Variants in CLGN observed in about 807,000 individuals in gnomAD.
CLGN encodes testis tissue sperm-binding protein Li 79P.
CLGN carries 62 observed loss-of-function variants against 79.1 expected under a neutral mutation model. The ratio of observed to expected loss-of-function variants is 0.78; its 90% CI spans 0.64 to 0.97. The LOEUF (loss-of-function observed/expected upper bound fraction) is 0.97, where lower values mean the gene tolerates loss of function less well. Among genes scored for constraint, CLGN ranks in the 50% least tolerant of loss-of-function variants. The pLI, the probability that CLGN is intolerant of heterozygous loss-of-function variation, is 0.00. For synonymous variants in CLGN, 225 were observed against 224.7 expected, an observed-to-expected ratio of 1.00 and a Z score of -0.01; for missense variants, 647 against 715.5, an observed-to-expected ratio of 0.90 and a Z score of 1.09.
intron 1 of CLGN, among the ~76,000 whole-genome samples, chr4:140,414,576 G>A (rs1327854411): frequency 2.7e-5 from 4 of 147,746 alleles, no homozygotes; most frequent in African/African-American, 7.6e-5. Context: ...GAGCCGATGC[G>A]ATCAACTGGA....
chr4:140,402,692 A>G (rs912084223), intron 5 of CLGN, among the ~76,000 whole-genome samples: 2 of 145,880 alleles, frequency 1.4e-5, no homozygotes, highest in African/African-American at 5.1e-5. Context: ...TGAATTTACA[A>G]CACAGTGTAA....
chr4:140,389,311 A>G lies in CLGN; in HGVS notation c.1753-7T>C. 1.2e-6 allele frequency: 2 copies of G among 1,609,324 alleles called. No individual in the cohort carries two copies. Among genetic ancestry groups the G allele is most frequent in the Non-Finnish European group, 1.7e-6 (2 of 1,176,532 alleles). ...TCTCATCTGCTTCTTTCATCTAGAA[A>G]AAATAATTATGAAAAGGTTTCTTTT... On this transcript the variant is annotated splice_polypyrimidine_tract_variant and splice_region_variant and intron_variant, in intron 14 of 14. Transcript: ENST00000325617.
At chr4:140,392,833 T>A in intron 11 of CLGN, 122 bp from the exon 12 acceptor site, 1 of 860,978 alleles carries the variant, frequency 1.2e-6, no homozygotes, top group Non-Finnish European at 1.6e-6. Context: ...AACTCGTAAG[T>A]AAAAGAAGTT....
chr4:140,408,129 T>C (rs924165033), intron 4 of CLGN, among the ~76,000 whole-genome samples: 21 of 151,950 alleles, frequency 1.4e-4, no homozygotes, highest in African/African-American at 5.1e-4. Context: ...AAGCCACATA[T>C]AGAAGAATGA....
In CLGN at chr4:140,400,569, T is replaced by C. The variant is rs1560741490; in HGVS notation, c.502-20A>G. ...GTTTTCCTTCAAAGAGAGATGAGTG[T>C]TGGCATTAGTCCAGAATCACAGACT... On this transcript the variant is annotated intron_variant, in intron 6 of 14. Coordinates refer to ENST00000325617, the MANE Select transcript of CLGN (RefSeq NM_004362.3). 1 of 1,493,840 alleles carries C rather than the reference T, an allele frequency of 6.7e-7. No homozygotes were observed. Among genetic ancestry groups the C allele is most frequent in the Non-Finnish European group, 9.2e-7 (1 of 1,086,794 alleles). The allele number at this position is 1,493,840 out of a possible 1,614,324, so 92.5% of individuals were successfully genotyped here.
In CLGN at chr4:140,412,966, A is replaced by C; in HGVS notation, c.113T>G (p.Ile38Ser). Residue 38 changes from isoleucine to serine, a missense_variant, in exon 2 of 15, where the codon ATT (isoleucine) becomes AGT (serine). By Grantham distance (142) the Ile-to-Ser change is moderately radical. Coordinates refer to ENST00000325617, the MANE Select transcript of CLGN (RefSeq NM_004362.3). ...TEDFEENSEE[I>S]DVNESELSSE... is the part of the protein sequence containing the mutation. ...GGAAAGTTCACTTTCATTAACATCA[A>C]TTTCTTCTGAATTTTCTTCAAAGTC... 6.2e-7 allele frequency: 1 copy of C among 1,613,426 alleles called. No individual in the cohort carries two copies.
intron 1 of CLGN, among the ~76,000 whole-genome samples, chr4:140,416,880 A>G (rs1459920743): frequency 4.0e-5 from 6 of 150,878 alleles, no homozygotes; most frequent in African/African-American, 1.5e-4. Context: ...TACCAAAGCC[A>G]GGCAGAGACA....
intron 14 of CLGN, among the ~76,000 whole-genome samples, chr4:140,390,253 A>G (rs1416168037): frequency 6.6e-6 from 1 of 151,790 alleles, no homozygotes; most frequent in Non-Finnish European, 1.5e-5. Flanking sequence ...AAATGTTGAG[A>G]CAATAAAGAT....
chr4:140,409,296 T>C lies in CLGN; in HGVS notation c.277+541A>G, dbSNP rs546664698. ...TGGTCATACTCTAGGGTAGTCCTATTAGGGAAGACAATATGACCCCTGCCT... is the reference window on the plus strand; with the variant it reads ...TGGTCATACTCTAGGGTAGTCCTATCAGGGAAGACAATATGACCCCTGCCT... On this transcript the variant is annotated intron_variant, in intron 4 of 14. Transcript: ENST00000325617. Among the ~76,000 whole-genome samples the C allele has an allele frequency of 2.0e-5, 3 of 152,112 alleles. No homozygotes were observed. In the South Asian group the frequency reaches 6.2e-4, roughly 32 times the overall value.
At chr4:140,390,588 G>C in intron 14 of CLGN, 40 bp downstream of exon 14, 1 of 1,369,402 alleles carries the variant, frequency 7.3e-7, no homozygotes, top group South Asian at 1.6e-5. Flanking sequence ...ACTTTTTATG[G>C]ATAACAACTA....
chr4:140,413,263 C>G (rs577712329), intron 1 of CLGN, among the ~76,000 whole-genome samples, 176 bp from the exon 2 acceptor site: 2 of 152,320 alleles, frequency 1.3e-5, no homozygotes, highest in South Asian at 4.1e-4. Flanking sequence ...ATACAAACTT[C>G]AAATCTTGTA....
intron 8 of CLGN, among the ~76,000 whole-genome samples, chr4:140,397,659 A>T (rs1372991372): frequency 6.6e-6 from 1 of 152,062 alleles, no homozygotes; most frequent in African/African-American, 2.4e-5. Flanking sequence ...TAGTCTCAGC[A>T]CTTTGGGAGG....
At position 140,411,484 on chromosome 4, in the gene CLGN, T is replaced by G. The variant is rs114791895; in HGVS notation, c.145-858A>C. 3.4e-3 allele frequency among the ~76,000 whole-genome samples: 512 copies of G among 152,176 alleles called. 2 individuals are homozygous for G. The highest frequency in any genetic ancestry group is 0.011 in the African/African-American group (475 of 41,562). On this transcript the variant is annotated intron_variant, in intron 2 of 14. Coordinates refer to ENST00000325617, the MANE Select transcript of CLGN (RefSeq NM_004362.3). ...ATAAAAATTTGCCTAAAGTAATAGG[T>G]TAGTCTGGATCCTCTCAGAATCAGC...
chr4:140,394,797 T>C (rs1728838016), intron 10 of CLGN, among the ~76,000 whole-genome samples: 1 of 152,170 alleles, frequency 6.6e-6, no homozygotes. Flanking sequence ...CCATAAATAA[T>C]TACAAAGATA....
chr4:140,414,701 G>A (rs1231526581), intron 1 of CLGN, among the ~76,000 whole-genome samples: 1 of 146,244 alleles, frequency 6.8e-6, no homozygotes, highest in African/African-American at 2.6e-5. Context: ...GGGACTATGT[G>A]AAAAGACCAA....
chr4:140,391,423 G>A (rs1728771362), intron 13 of CLGN, among the ~76,000 whole-genome samples: 1 of 151,670 alleles, frequency 6.6e-6, no homozygotes, highest in African/African-American at 2.4e-5. Context: ...ACAAAAACAA[G>A]GCTGGAAACT....
In CLGN at chr4:140,389,012, T is replaced by C. The variant is rs1728725290; in HGVS notation, c.*212A>G. 1 of 537,650 alleles carries C rather than the reference T, an allele frequency of 1.9e-6. No individual in the cohort carries two copies. The highest frequency in any genetic ancestry group is 3.3e-6 in the Non-Finnish European group (1 of 301,720). 33.3% of individuals were successfully genotyped at this position (537,650 alleles called of 1,614,324 possible). A position where few individuals can be genotyped will look rare whatever the true frequency, so the allele number is the denominator to read the frequency against. On this transcript the variant is annotated 3_prime_UTR_variant, in exon 15 of 15. Coordinates refer to ENST00000325617, the MANE Select transcript of CLGN (RefSeq NM_004362.3). ...TTAATCTCTTAGATCCGATATGTAATGTGCCACTTTTATTCTAAATTCAAA... is the reference window on the plus strand; with the variant it reads ...TTAATCTCTTAGATCCGATATGTAACGTGCCACTTTTATTCTAAATTCAAA...
At chr4:140,389,375 A>T (rs1451943200) in intron 14 of CLGN, 71 bp from the exon 15 acceptor site, 1 of 1,077,810 alleles carries the variant, frequency 9.3e-7, no homozygotes, top group Non-Finnish European at 1.4e-6. Flanking sequence ...TAAACAATAT[A>T]TTTATTATTC....
intron 1 of CLGN, among the ~76,000 whole-genome samples, chr4:140,420,415 C>T (rs1020697284): frequency 6.6e-6 from 1 of 152,120 alleles, no homozygotes; most frequent in African/African-American, 2.4e-5. Flanking sequence ...CTAATTTAAT[C>T]TTTACAGCCC....
Sources: allele counts gnomAD v4.1 joint callset (sites outside exome capture counted in the v4.1 genomes callset), GRCh38; gene constraint gnomAD v4.1.1; transcripts MANE v1.5; gene names NCBI Gene and HGNC (gene_info 2026-07-23, HGNC 2026-07-21).